PIAS2: variants seen among roughly 807,000 people sequenced by gnomAD.
PIAS2 encodes the protein E3 SUMO-protein ligase PIAS2.
In PIAS2, 19 loss-of-function variants were observed where a neutral mutation model predicts 69.7. The ratio of observed to expected loss-of-function variants is 0.27; its 90% CI spans 0.19 to 0.40. The LOEUF is 0.40. Among genes scored for constraint, PIAS2 ranks in the 10% least tolerant of loss-of-function variants. The pLI is 1.00. For missense variants in PIAS2, 624 were observed against 757.0 expected, an observed-to-expected ratio of 0.82 and a Z score of 2.06; for synonymous variants, 261 against 263.2, an observed-to-expected ratio of 0.99 and a Z score of 0.08.
In PIAS2 at chr18:46,810,943, A is replaced by C. The variant is rs191893415; in HGVS notation, c.*1490T>G. The C allele has an allele frequency of 6.6e-6, 1 of 152,300 alleles. No homozygotes were observed. The highest frequency in any genetic ancestry group is 1.5e-5 in the Non-Finnish European group (1 of 68,016). The allele number at this position is 152,300 out of a possible 1,614,324, so 9.4% of individuals were successfully genotyped here. A position where few individuals can be genotyped will look rare whatever the true frequency, so the allele number is the denominator to read the frequency against. The stretch of plus-strand genomic sequence containing the variant: ...AGCTTAGAGAGAGAAAGCTAAACAG[A>C]AAAGTACCAAATCCTTGTGAACTCA... On this transcript the variant is annotated 3_prime_UTR_variant, in exon 14 of 14. Transcript: ENST00000585916.
Position 46,807,946 on chromosome 18 carries a change from T to C in PIAS2, c.*4487A>G, listed in dbSNP as rs773032749. On this transcript the variant is annotated 3_prime_UTR_variant, in exon 14 of 14. Transcript: ENST00000585916. ...ATCAAGAACTACAAAAGTGTTCATA[T>C]ACCCTTGACTAGAAATTCCACCTCC... is the stretch of plus-strand genomic sequence containing the variant. 5 of 152,170 alleles carry C rather than the reference T, an allele frequency of 3.3e-5. No individual in the cohort carries two copies. Among genetic ancestry groups the C allele is most frequent in the Non-Finnish European group, 5.9e-5 (4 of 68,024 alleles). 9.4% of individuals were successfully genotyped at this position (152,170 alleles called of 1,614,324 possible).
chr18:46,816,932 ATAT>A, intron 12 of PIAS2: 1 of 935,162 alleles, frequency 1.1e-6, no homozygotes, highest in Non-Finnish European at 1.3e-6. Flanking sequence ...CATATTAATA[ATAT>A]TCAATAAATC....
intron 2 of PIAS2, among the ~76,000 whole-genome samples, chr18:46,870,533 G>A (rs8089414): frequency 0.014 from 1,948 of 142,944 alleles, 41 homozygotes; most frequent in African/African-American, 0.046. Flanking sequence ...GAAGAATGGC[G>A]TGAACCCAGG....
chr18:46,911,738 C>A (rs1219753014), intron 1 of PIAS2, among the ~76,000 whole-genome samples: 1 of 152,160 alleles, frequency 6.6e-6, no homozygotes, highest in Non-Finnish European at 1.5e-5. Context: ...GCCAATGTAA[C>A]AGTACTAACC....
chr18:46,911,705 A>G (rs552668974), intron 1 of PIAS2, among the ~76,000 whole-genome samples: 3 of 152,348 alleles, frequency 2.0e-5, no homozygotes, highest in East Asian at 3.9e-4. Flanking sequence ...GTTATAAAAC[A>G]TTATATAAAT....
chr18:46,815,921 A>C (rs764200171), intron 12 of PIAS2: 6 of 985,412 alleles, frequency 6.1e-6, no homozygotes, highest in Non-Finnish European at 7.2e-6. Context: ...GTTCTGAGCT[A>C]ATGTAATTTT....
At chr18:46,856,510 T>A (rs2047860034) in intron 3 of PIAS2, among the ~76,000 whole-genome samples, 1 of 152,140 alleles carries the variant, frequency 6.6e-6, no homozygotes, top group African/African-American at 2.4e-5. Context: ...AATTTCTAGA[T>A]GAGAATCTAA....
chr18:46,891,425 T>A (rs2054061936), intron 1 of PIAS2, among the ~76,000 whole-genome samples: 1 of 152,176 alleles, frequency 6.6e-6, no homozygotes, highest in African/African-American at 2.4e-5. Flanking sequence ...CAATATACAA[T>A]GTAATGTTTG....
intron 12 of PIAS2, chr18:46,818,059 G>C: frequency 5.0e-6 from 5 of 996,226 alleles, no homozygotes; most frequent in Non-Finnish European, 6.0e-6. Context: ...AAAGCAGGTA[G>C]TGTTAACATT....
At chr18:46,889,778 G>A (rs543270361) in intron 2 of PIAS2, among the ~76,000 whole-genome samples, 4 of 152,306 alleles carry the variant, frequency 2.6e-5, no homozygotes, top group East Asian at 1.9e-4. Flanking sequence ...GTGTATACCC[G>A]TGTCCACAGA....
chr18:46,820,968 T>C lies in PIAS2; in HGVS notation c.1613A>G (p.His538Arg). ...TGATGACATGCTTGATATTGGCGTA[T>C]GGTGGAATGGTACTGAGTAGTCTGT... ...SLTDYSVPFH[H>R]TPISSMSSDL... Residue 538 changes from histidine (H) to arginine (R), a missense_variant, in exon 12 of 14, where the codon CAT (histidine) becomes CGT (arginine). Transcript: ENST00000585916. 6.2e-7 allele frequency: 1 copy of C among 1,613,128 alleles called. No homozygotes were observed. The highest frequency in any genetic ancestry group is 8.5e-7 in the Non-Finnish European group (1 of 1,179,428).
At chr18:46,897,170 T>C (rs1035901292) in intron 1 of PIAS2, among the ~76,000 whole-genome samples, 3 of 152,212 alleles carry the variant, frequency 2.0e-5, no homozygotes, top group African/African-American at 7.2e-5. Flanking sequence ...AAAGGTATTC[T>C]AGATTTCATT....
At chr18:46,858,318 A>G (rs1476786264) in intron 3 of PIAS2, among the ~76,000 whole-genome samples, 2 of 152,190 alleles carry the variant, frequency 1.3e-5, no homozygotes, top group East Asian at 3.8e-4. Context: ...TTAAAGCATC[A>G]AAGAGAAAAA....
rs927462229 is a variant in PIAS2, at chr18:46,811,417, C to T, written c.*1016G>A. 1.3e-5 allele frequency: 2 copies of T among 152,112 alleles called. No individual in the cohort carries two copies. The highest frequency in any genetic ancestry group is 4.8e-5 in the African/African-American group (2 of 41,412). 9.4% of individuals were successfully genotyped at this position (152,112 alleles called of 1,614,324 possible). A position where few individuals can be genotyped will look rare whatever the true frequency, so the allele number is the denominator to read the frequency against. On this transcript the variant is annotated 3_prime_UTR_variant, in exon 14 of 14. Transcript: ENST00000585916. ...AAATACAAAGTTTCATCAAATATTTCACTACTATTCTGTAAAATAAATGAG... is the reference window on the plus strand; with the variant it reads ...AAATACAAAGTTTCATCAAATATTTTACTACTATTCTGTAAAATAAATGAG...
At chr18:46,827,924 G>C in intron 11 of PIAS2, 35 bp downstream of exon 11, 1 of 1,577,192 alleles carries the variant, frequency 6.3e-7, no homozygotes, top group Non-Finnish European at 8.7e-7. Flanking sequence ...TAGTTGCAAG[G>C]GTAATGAACA....
At chr18:46,876,533 A>T (rs2051218267) in intron 2 of PIAS2, among the ~76,000 whole-genome samples, 1 of 152,188 alleles carries the variant, frequency 6.6e-6, no homozygotes, top group Non-Finnish European at 1.5e-5. Context: ...ACATGATACT[A>T]GCAGAGAAAG....
At chr18:46,900,416 C>T (rs1209511129) in intron 1 of PIAS2, among the ~76,000 whole-genome samples, 1 of 151,588 alleles carries the variant, frequency 6.6e-6, no homozygotes, top group Non-Finnish European at 1.5e-5. Context: ...ACCTTTTAAT[C>T]CCAGCTATTT....
intron 2 of PIAS2, among the ~76,000 whole-genome samples, chr18:46,875,506 G>A (rs367836521): frequency 2.6e-5 from 4 of 152,082 alleles, no homozygotes; most frequent in East Asian, 1.9e-4. Flanking sequence ...GTTATAGGAC[G>A]GGACCCCATA....
chr18:46,863,980 C>T (rs1312805384), intron 3 of PIAS2, among the ~76,000 whole-genome samples, 184 bp downstream of exon 3: 1 of 152,082 alleles, frequency 6.6e-6, no homozygotes, highest in Admixed American at 6.6e-5. Flanking sequence ...ACGTGCAAGC[C>T]AAGGAGAAAG....
Sources: allele counts gnomAD v4.1 joint callset (sites outside exome capture counted in the v4.1 genomes callset), GRCh38; gene constraint gnomAD v4.1.1; transcripts MANE v1.5; gene names NCBI Gene and HGNC (gene_info 2026-07-23, HGNC 2026-07-21).